DGKB: variants seen among roughly 807,000 people sequenced by gnomAD.
DGKB encodes diacylglycerol kinase beta.
Under a neutral mutation model 114.3 loss-of-function variants are expected in DGKB, and 67 were observed. The observed-to-expected ratio is 0.59, with a 90% confidence interval of 0.48 to 0.72. The LOEUF is 0.72. Ranked by LOEUF, DGKB falls within the 30% of genes least tolerant of loss-of-function variation. DGKB has a pLI of 0.00. For missense variants in DGKB, 907 were observed against 975.2 expected (o/e 0.93, Z 0.93); for synonymous variants, 398 against 323.1 (o/e 1.23, Z -2.49).
At chr7:14,580,778 T>A (rs1799806857) in intron 19 of DGKB, 84 bp downstream of exon 19, 1 of 955,766 alleles carries the variant, frequency 1.0e-6, no homozygotes, top group African/African-American at 1.6e-5. Context: ...TCATATCGTT[T>A]TTGTTTCTTT....
chr7:14,954,064 G>T (rs894348028), intron 1 of DGKB, among the ~76,000 whole-genome samples: 2 of 152,024 alleles, frequency 1.3e-5, no homozygotes, highest in Admixed American at 1.3e-4. Flanking sequence ...CTTTATTAGG[G>T]GATCAAAGAA....
chr7:14,395,069 C>T (rs529098085), intron 21 of DGKB, among the ~76,000 whole-genome samples: 1 of 152,022 alleles, frequency 6.6e-6, no homozygotes, highest in Non-Finnish European at 1.5e-5. Flanking sequence ...AACATATTAT[C>T]GATCCTTCAT....
chr7:14,562,091 G>A (rs1196339283), intron 20 of DGKB, among the ~76,000 whole-genome samples: 1 of 152,214 alleles, frequency 6.6e-6, no homozygotes, highest in East Asian at 1.9e-4. Context: ...AAGGGACCAA[G>A]GTACAGCTCA....
At chr7:14,837,304 C>T (rs1847291829) in intron 2 of DGKB, among the ~76,000 whole-genome samples, 2 of 152,066 alleles carry the variant, frequency 1.3e-5, no homozygotes, top group African/African-American at 4.8e-5. Context: ...ATCATAGTTA[C>T]AGGGTGCATT....
At chr7:14,667,732 C>G (rs1818282691) in intron 13 of DGKB, among the ~76,000 whole-genome samples, 1 of 152,074 alleles carries the variant, frequency 6.6e-6, no homozygotes, top group South Asian at 2.1e-4. Context: ...GCTGATTAAG[C>G]AATTTTGTGG....
intron 20 of DGKB, among the ~76,000 whole-genome samples, chr7:14,529,400 AT>A (rs1421280773): frequency 1.3e-4 from 20 of 152,048 alleles, no homozygotes; most frequent in African/African-American, 4.6e-4. Context: ...TTTAAAGTCT[AT>A]TTAAATAAAT....
At chr7:14,749,011 GT>G (rs575068712) in intron 4 of DGKB, among the ~76,000 whole-genome samples, 12 of 151,948 alleles carry the variant, frequency 7.9e-5, no homozygotes, top group African/African-American at 1.4e-4. Context: ...ATTAATCAGA[GT>G]TTTTTTTACA....
chr7:14,906,611 G>A (rs932193440), upstream of DGKB, among the ~76,000 whole-genome samples: 8 of 151,838 alleles, frequency 5.3e-5, no homozygotes, highest in Non-Finnish European at 1.2e-4. Flanking sequence ...ATGCCACCAT[G>A]CCCAGCTAAT....
At chr7:14,699,912 A>G (rs1043599592) in intron 7 of DGKB, among the ~76,000 whole-genome samples, 12 of 152,176 alleles carry the variant, frequency 7.9e-5, no homozygotes, top group African/African-American at 2.9e-4. Flanking sequence ...CAAAAAAAAA[A>G]AGGACTATTT....
chr7:14,484,573 A>G (rs1199717916), intron 20 of DGKB, among the ~76,000 whole-genome samples: 5 of 152,118 alleles, frequency 3.3e-5, no homozygotes, highest in African/African-American at 9.7e-5. Context: ...CCATGATTGT[A>G]AGCTTCCTCA....
chr7:14,725,171 TGAAAACAAAAAACA>T (rs992990327), intron 5 of DGKB, among the ~76,000 whole-genome samples: 4 of 152,084 alleles, frequency 2.6e-5, no homozygotes, highest in Non-Finnish European at 4.4e-5. Flanking sequence ...TTCTGTCTCT[TGAAAACAAAAAACA>T]GAAAACAAAA....
chr7:14,291,047 C>T (rs1247649305), intron 23 of DGKB, among the ~76,000 whole-genome samples: 2 of 142,922 alleles, frequency 1.4e-5, no homozygotes, highest in African/African-American at 5.3e-5. Flanking sequence ...GAGGCTGAGG[C>T]AGGAGAATCA....
intron 2 of DGKB, among the ~76,000 whole-genome samples, chr7:14,834,532 GCTCT>G (rs142125920): frequency 6.6e-6 from 1 of 150,746 alleles, no homozygotes; most frequent in Non-Finnish European, 1.5e-5. Flanking sequence ...AGTCACGAGT[GCTCT>G]CTCTCTCTCT....
intron 1 of DGKB, among the ~76,000 whole-genome samples, chr7:14,887,179 A>G (rs558564546): frequency 5.9e-5 from 9 of 151,868 alleles, no homozygotes; most frequent in Middle Eastern, 3.4e-3. Flanking sequence ...ACCTGCCTCA[A>G]TCAGGCTTTT....
At chr7:14,861,678 G>T (rs1168453403) in intron 1 of DGKB, among the ~76,000 whole-genome samples, 3 of 151,466 alleles carry the variant, frequency 2.0e-5, no homozygotes, top group East Asian at 1.9e-4. Context: ...ACCTATTATG[G>T]CCTGGCCTGT....
intron 5 of DGKB, among the ~76,000 whole-genome samples, chr7:14,720,103 C>G (rs73680202): frequency 7.2e-6 from 1 of 139,234 alleles, no homozygotes; most frequent in African/African-American, 2.5e-5. Flanking sequence ...CACGCACGCA[C>G]GCACACACAC....
At position 14,442,975 on chromosome 7, in the gene DGKB, T is replaced by C. The variant is rs1265633349; in HGVS notation, c.1835+35186A>G. On this transcript the variant is annotated intron_variant, in intron 21 of 25. Transcript: ENST00000402815. ...TAACATTACCTTTCATGCAAAAATG[T>C]GGTTTACCTGATAATTCTTGAAACA... 2.0e-5 allele frequency among the ~76,000 whole-genome samples: 3 copies of C among 152,164 alleles called. No homozygotes were observed. The East Asian group carries it at 5.8e-4, about 29-fold the overall frequency.
chr7:14,405,408 T>G (rs1005778256), intron 21 of DGKB, among the ~76,000 whole-genome samples: 1 of 152,078 alleles, frequency 6.6e-6, no homozygotes, highest in Non-Finnish European at 1.5e-5. Flanking sequence ...TCTCTATAAA[T>G]GTCAGTTCCC....
chr7:14,890,965 C>A (rs1781125532), intron 1 of DGKB, among the ~76,000 whole-genome samples: 1 of 151,332 alleles, frequency 6.6e-6, no homozygotes, highest in South Asian at 2.1e-4. Flanking sequence ...AAAATAATTT[C>A]ATTCTCTCAA....
Sources: gnomAD v4.1 joint callset for allele counts (sites outside exome capture counted in the v4.1 genomes callset) on GRCh38, gnomAD v4.1.1 for gene constraint, MANE v1.5 for transcripts, NCBI Gene and HGNC (gene_info 2026-07-23, HGNC 2026-07-21) for gene names.